MYZAP: variants seen among roughly 807,000 people sequenced by gnomAD.
MYZAP encodes myocardial zonula adherens protein.
A neutral mutation model predicts 69.4 loss-of-function variants in MYZAP; 66 were observed. The ratio of observed to expected loss-of-function variants is 0.95; its 90% CI spans 0.78 to 1.17. The LOEUF is 1.17. Among genes scored for constraint, MYZAP ranks in the 50% most tolerant of loss-of-function variants. MYZAP has a pLI of 0.00. For synonymous variants in MYZAP, 256 were observed against 205.9 expected (o/e 1.24, Z -2.09); for missense variants, 611 against 556.2 (o/e 1.10, Z -0.99).
At chr15:57,634,604 T>G (rs1476457107) in intron 8 of MYZAP, among the ~76,000 whole-genome samples, 1 of 152,188 alleles carries the variant, frequency 6.6e-6, no homozygotes, top group Non-Finnish European at 1.5e-5. Context: ...GAGGTCGCCT[T>G]AGCTAATGGT....
At chr15:57,638,813 C>T (rs963750297) in intron 9 of MYZAP, among the ~76,000 whole-genome samples, 7 of 152,122 alleles carry the variant, frequency 4.6e-5, no homozygotes, top group Admixed American at 1.3e-4. Flanking sequence ...GGTATTCTGC[C>T]GTTGATTTCA....
At chr15:57,638,470 G>A (rs541955307) in intron 9 of MYZAP, among the ~76,000 whole-genome samples, 9 of 152,178 alleles carry the variant, frequency 5.9e-5, no homozygotes, top group African/African-American at 1.9e-4. Flanking sequence ...CAAATAGTAC[G>A]TGCTGAAAAA....
intron 2 of MYZAP, 36 bp downstream of exon 2, chr15:57,604,391 C>T: frequency 6.2e-7 from 1 of 1,611,788 alleles, no homozygotes; most frequent in Non-Finnish European, 8.5e-7. Flanking sequence ...CAACAAGTTC[C>T]AGCCTCTATA....
intron 11 of MYZAP, among the ~76,000 whole-genome samples, chr15:57,672,743 G>A (rs551756195): frequency 3.9e-5 from 6 of 152,126 alleles, no homozygotes; most frequent in Non-Finnish European, 8.8e-5. Flanking sequence ...GCAATAAGGT[G>A]CCTTTTCTCA....
At chr15:57,619,079 T>G (rs1252100024) in intron 3 of MYZAP, among the ~76,000 whole-genome samples, 1 of 152,208 alleles carries the variant, frequency 6.6e-6, no homozygotes, top group Non-Finnish European at 1.5e-5. Flanking sequence ...ATTGTGGGGG[T>G]TGGCTGGGCT....
chr15:57,600,861 T>C (rs1311727343), intron 1 of MYZAP, among the ~76,000 whole-genome samples: 2 of 152,168 alleles, frequency 1.3e-5, no homozygotes, highest in Non-Finnish European at 2.9e-5. Context: ...ACAGGATTGC[T>C]TGAGCCCAGG....
At position 57,625,829 on chromosome 15, in the gene MYZAP, G is replaced by T; in HGVS notation, c.462G>T (p.Ser154=). 1 of 1,614,120 alleles carries T rather than the reference G, an allele frequency of 6.2e-7. No homozygotes were observed. The highest frequency in any genetic ancestry group is 8.5e-7 in the Non-Finnish European group (1 of 1,180,012). The change falls in exon 5 of 13, where the codon TCG becomes TCT. Residue 154 remains serine (S), a synonymous_variant. Transcript: ENST00000267853. ...EYLENHIQTQ[S]SALDRFNAMN... ...TGGAGAATCACATCCAAACCCAGTC[G>T]TCTGCCCTGGATCGTTTTAATGCCA...
intron 10 of MYZAP, among the ~76,000 whole-genome samples, chr15:57,655,979 T>A (rs2037991979): frequency 6.6e-6 from 1 of 152,212 alleles, no homozygotes; most frequent in African/African-American, 2.4e-5. Flanking sequence ...TGGTTTGAGT[T>A]TGGTAACTTG....
chr15:57,642,899 C>G (rs1375270959), intron 10 of MYZAP, among the ~76,000 whole-genome samples: 2 of 151,984 alleles, frequency 1.3e-5, no homozygotes, highest in East Asian at 3.9e-4. Context: ...GGGGGTGAGC[C>G]CTTTTGAAAT....
At chr15:57,645,025 G>A (rs1463596840) in intron 10 of MYZAP, among the ~76,000 whole-genome samples, 1 of 152,202 alleles carries the variant, frequency 6.6e-6, no homozygotes, top group Non-Finnish European at 1.5e-5. Context: ...GCCTCGCCCT[G>A]CTTTAAATTA....
intron 2 of MYZAP, among the ~76,000 whole-genome samples, chr15:57,608,612 C>G (rs1334245657): frequency 2.0e-5 from 3 of 152,196 alleles, no homozygotes; most frequent in African/African-American, 7.2e-5. Context: ...GTAGACACAA[C>G]AATGCCTGGT....
At chr15:57,621,973 T>A (rs1454521920) in intron 4 of MYZAP, among the ~76,000 whole-genome samples, 1 of 152,174 alleles carries the variant, frequency 6.6e-6, no homozygotes, top group Admixed American at 6.5e-5. Context: ...TATTTAACAT[T>A]GTTCTTCACA....
intron 8 of MYZAP, among the ~76,000 whole-genome samples, chr15:57,635,038 G>A (rs1000753971): frequency 9.2e-5 from 14 of 152,100 alleles, no homozygotes; most frequent in African/African-American, 2.9e-4. Context: ...AAGGTGAGCC[G>A]GCAGCATAGC....
intron 1 of MYZAP, among the ~76,000 whole-genome samples, chr15:57,597,273 T>A (rs546467324): frequency 9.2e-5 from 14 of 152,290 alleles, no homozygotes; most frequent in African/African-American, 3.4e-4. Context: ...ATACACAGAA[T>A]CACTGGGAGG....
chr15:57,625,439 T>A (rs968117647), intron 4 of MYZAP, among the ~76,000 whole-genome samples: 2 of 152,220 alleles, frequency 1.3e-5, no homozygotes, highest in Admixed American at 6.5e-5. Flanking sequence ...TTATTTCAAC[T>A]GGGTTCTAGT....
chr15:57,618,003 T>A (rs761228518), intron 2 of MYZAP, 30 bp from the exon 3 acceptor site: 11 of 1,605,000 alleles, frequency 6.9e-6, no homozygotes, highest in Non-Finnish European at 8.5e-6. Flanking sequence ...AGAGTCATTA[T>A]TCTTTTTTTC....
intron 11 of MYZAP, among the ~76,000 whole-genome samples, chr15:57,667,467 G>A (rs1191634021): frequency 6.6e-6 from 1 of 152,192 alleles, no homozygotes; most frequent in Non-Finnish European, 1.5e-5. Context: ...TTTGAAAGCA[G>A]GAAAACCATG....
intron 3 of MYZAP, among the ~76,000 whole-genome samples, chr15:57,619,651 C>A (rs2035690208): frequency 6.6e-6 from 1 of 152,348 alleles, no homozygotes; most frequent in South Asian, 2.1e-4. Flanking sequence ...TGTGCCCGGC[C>A]TCCAGACATA....
At chr15:57,616,367 C>T (rs2035445421) in intron 2 of MYZAP, among the ~76,000 whole-genome samples, 2 of 152,090 alleles carry the variant, frequency 1.3e-5, no homozygotes, top group African/African-American at 4.8e-5. Context: ...TGGCTGGGCG[C>T]AGTGGCTCAC....
Sources: allele counts gnomAD v4.1 joint callset (sites outside exome capture counted in the v4.1 genomes callset), GRCh38; gene constraint gnomAD v4.1.1; transcripts MANE v1.5; gene names NCBI Gene and HGNC (gene_info 2026-07-23, HGNC 2026-07-21).